TYW1B: variants seen among roughly 807,000 people sequenced by gnomAD.
TYW1B encodes S-adenosyl-L-methionine-dependent tRNA 4-demethylwyosine synthase TYW1B.
In TYW1B, 73 loss-of-function variants were observed where a neutral mutation model predicts 86.9. The observed-to-expected ratio is 0.84, with a 90% CI of 0.70 to 1.02. The LOEUF (loss-of-function observed/expected upper bound fraction) is 1.02, where lower values mean the gene tolerates loss of function less well. TYW1B is among the 50% of genes least tolerant of loss of function. The probability of loss-of-function intolerance (pLI) is 0.00; values close to 1 mark genes in which losing one functional copy is unlikely to be tolerated. For missense variants in TYW1B, 637 were observed against 827.4 expected (o/e 0.77, Z 2.82); for synonymous variants, 248 against 292.8 (o/e 0.85, Z 1.56).
Position 72,575,637 on chromosome 7 carries a change from C to T in TYW1B, c.1868G>A (p.Gly623Glu), listed in dbSNP as rs1554428310. 6.2e-7 allele frequency: 1 copy of T among 1,613,596 alleles called. No homozygotes were observed. The highest frequency in any genetic ancestry group is 8.5e-7 in the Non-Finnish European group (1 of 1,179,834). The change falls in exon 14 of 14, where the codon GGA becomes GAA. Residue 623 changes from glycine to glutamate, a missense_variant. Gly to Glu is a moderately conservative substitution (Grantham distance 98, BLOSUM62 -2). Transcript: ENST00000620995. Reference protein sequence around the residue: ...ELIQEYEDSGGSKTFSAKDYM... With the variant: ...ELIQEYEDSGESKTFSAKDYM... Reference sequence around the variant, plus strand: ...ATCCTTTGCGCTGAACGTTTTTGATCCACCACTATCTTCATATTCCTGGAT... The same window carrying T: ...ATCCTTTGCGCTGAACGTTTTTGATTCACCACTATCTTCATATTCCTGGAT...
intron 10 of TYW1B, among the ~76,000 whole-genome samples, chr7:72,701,438 A>AT (rs1422168693): frequency 3.9e-5 from 6 of 151,970 alleles, no homozygotes; most frequent in African/African-American, 7.2e-5. Context: ...TAATGTTTTA[A>AT]TTTTTTGTAG....
chr7:72,740,794 G>C (rs1787290502), intron 8 of TYW1B, among the ~76,000 whole-genome samples: 1 of 147,314 alleles, frequency 6.8e-6, no homozygotes, highest in South Asian at 2.1e-4. Context: ...GCAGTGGCGT[G>C]ATCTCGGCTC....
chr7:72,705,406 G>A (rs1554453468), intron 10 of TYW1B, among the ~76,000 whole-genome samples: 1 of 152,170 alleles, frequency 6.6e-6, no homozygotes, highest in African/African-American at 2.4e-5. Context: ...TCAATGAAAA[G>A]GTGTTCGAAA....
chr7:72,623,658 T>C (rs1457445502), intron 12 of TYW1B, among the ~76,000 whole-genome samples: 2 of 152,120 alleles, frequency 1.3e-5, no homozygotes, highest in African/African-American at 4.8e-5. Context: ...CTGACAGATA[T>C]GCACCTTCCC....
chr7:72,793,125 G>A (rs1788247638), intron 6 of TYW1B, among the ~76,000 whole-genome samples: 1 of 151,456 alleles, frequency 6.6e-6, no homozygotes, highest in South Asian at 2.1e-4. Flanking sequence ...GATATCTTGA[G>A]GCCAGGAATT....
chr7:72,772,500 A>T, intron 7 of TYW1B, among the ~76,000 whole-genome samples: 1 of 152,168 alleles, frequency 6.6e-6, no homozygotes, highest in Non-Finnish European at 1.5e-5. Flanking sequence ...AAAGAGAGAA[A>T]AATCCAATTC....
At chr7:72,724,309 T>C (rs1278532636) in intron 9 of TYW1B, among the ~76,000 whole-genome samples, 1 of 151,988 alleles carries the variant, frequency 6.6e-6, no homozygotes, top group African/African-American at 2.4e-5. Flanking sequence ...CCATCTCTAT[T>C]AAAAATTTTT....
intron 7 of TYW1B, among the ~76,000 whole-genome samples, chr7:72,751,841 G>A (rs1161373696): frequency 3.3e-5 from 5 of 152,208 alleles, no homozygotes; most frequent in Non-Finnish European, 7.3e-5. Context: ...TCCAATGGCA[G>A]TTTAATTTTC....
intron 11 of TYW1B, among the ~76,000 whole-genome samples, chr7:72,640,608 C>A (rs1246366810): frequency 2.0e-5 from 3 of 151,398 alleles, no homozygotes; most frequent in South Asian, 2.1e-4. Flanking sequence ...GGCCGATTCA[C>A]CAAAAATATG....
At chr7:72,696,248 T>C (rs192623519) in intron 10 of TYW1B, among the ~76,000 whole-genome samples, 310 of 152,300 alleles carry the variant, frequency 2.0e-3, no homozygotes, top group South Asian at 9.3e-3. Context: ...GTGCCTGGCC[T>C]AGACTGTACT....
chr7:72,702,268 C>T (rs1814493186), intron 10 of TYW1B, among the ~76,000 whole-genome samples: 1 of 152,134 alleles, frequency 6.6e-6, no homozygotes, highest in Non-Finnish European at 1.5e-5. Flanking sequence ...GTTTGCCATA[C>T]AAGTCATATA....
intron 10 of TYW1B, among the ~76,000 whole-genome samples, chr7:72,709,824 C>A (rs1274322061): frequency 6.6e-6 from 1 of 152,210 alleles, no homozygotes; most frequent in African/African-American, 2.4e-5. Flanking sequence ...AATCCTGCCA[C>A]CTTACTTCTT....
chr7:72,599,332 G>T (rs111487804), intron 13 of TYW1B, among the ~76,000 whole-genome samples: 1 of 152,088 alleles, frequency 6.6e-6, no homozygotes. Flanking sequence ...TGACAAAATT[G>T]TAACTGATTT....
chr7:72,607,565 GA>G (rs1429336118), intron 13 of TYW1B, among the ~76,000 whole-genome samples: 1 of 151,782 alleles, frequency 6.6e-6, no homozygotes, highest in Non-Finnish European at 1.5e-5. Flanking sequence ...TTTTAGAACT[GA>G]AAAATACAAT....
intron 7 of TYW1B, among the ~76,000 whole-genome samples, chr7:72,766,368 C>T (rs1417735352): frequency 6.6e-6 from 1 of 151,326 alleles, no homozygotes; most frequent in Non-Finnish European, 1.5e-5. Flanking sequence ...ATAATCCCAC[C>T]TTTGGGAGGC....
intron 2 of TYW1B, among the ~76,000 whole-genome samples, chr7:72,820,320 A>T (rs1788805570): frequency 6.6e-6 from 1 of 152,078 alleles, no homozygotes; most frequent in African/African-American, 2.4e-5. Context: ...ATATCCAGCC[A>T]AATTAAGCTT....
intron 10 of TYW1B, among the ~76,000 whole-genome samples, chr7:72,711,376 T>C (rs1418280826): frequency 6.6e-6 from 1 of 151,256 alleles, no homozygotes; most frequent in Non-Finnish European, 1.5e-5. Flanking sequence ...TGTAACAGAG[T>C]GTGGCTTCTG....
intron 11 of TYW1B, among the ~76,000 whole-genome samples, chr7:72,676,149 C>G (rs1453410250): frequency 6.6e-6 from 1 of 152,110 alleles, no homozygotes; most frequent in Non-Finnish European, 1.5e-5. Context: ...ACGATCACCT[C>G]CACTTTGGGC....
chr7:72,731,216 G>A (rs1450564683), intron 8 of TYW1B, among the ~76,000 whole-genome samples: 4 of 149,674 alleles, frequency 2.7e-5, no homozygotes, highest in Admixed American at 6.7e-5. Context: ...AGTAAAAATT[G>A]AGAGAATTCA....
Sources: gnomAD v4.1 joint callset for allele counts (sites outside exome capture counted in the v4.1 genomes callset) on GRCh38, gnomAD v4.1.1 for gene constraint, MANE v1.5 for transcripts, NCBI Gene and HGNC (gene_info 2026-07-23, HGNC 2026-07-21) for gene names.